CADM2: variants seen among roughly 807,000 people sequenced by gnomAD.
CADM2 encodes the protein immunoglobulin superfamily member 4D.
CADM2 carries 12 observed loss-of-function variants against 49.8 expected under a neutral mutation model. That is an observed-to-expected ratio of 0.24 (90% CI 0.15 to 0.39). The LOEUF (loss-of-function observed/expected upper bound fraction) is 0.39, where lower values mean the gene tolerates loss of function less well. CADM2 is among the 10% of genes least tolerant of loss of function. The pLI is 1.00. For synonymous variants in CADM2, 214 were observed against 175.4 expected (o/e 1.22, Z -1.74); for missense variants, 378 against 492.3 (o/e 0.77, Z 2.20).
chr3:85,053,888 A>G (rs1407593040), intron 1 of CADM2, among the ~76,000 whole-genome samples: 1 of 151,980 alleles, frequency 6.6e-6, no homozygotes, highest in Non-Finnish European at 1.5e-5. Flanking sequence ...TTTCAGATGG[A>G]AATGTTTTTA....
intron 8 of CADM2, among the ~76,000 whole-genome samples, chr3:86,003,040 A>T (rs2108745559): frequency 6.6e-6 from 1 of 152,280 alleles, no homozygotes; most frequent in Admixed American, 6.5e-5. Context: ...TCAAGGAGGG[A>T]GGAGGTTGTT....
chr3:85,367,884 A>G (rs923391855), intron 1 of CADM2, among the ~76,000 whole-genome samples: 1 of 151,776 alleles, frequency 6.6e-6, no homozygotes, highest in African/African-American at 2.4e-5. Context: ...ACGCAGATAC[A>G]GCTGAGAATC....
At chr3:85,715,111 C>T (rs754863163) in intron 1 of CADM2, among the ~76,000 whole-genome samples, 5 of 152,076 alleles carry the variant, frequency 3.3e-5, no homozygotes, top group African/African-American at 9.7e-5. Flanking sequence ...TCTCTATACA[C>T]ACATATATAT....
chr3:85,693,440 C>T (rs1180638288), intron 1 of CADM2, among the ~76,000 whole-genome samples: 5 of 150,070 alleles, frequency 3.3e-5, no homozygotes, highest in African/African-American at 9.8e-5. Flanking sequence ...ATTAGCCGGG[C>T]GCAGTGGCGG....
chr3:85,801,410 C>A (rs1336282936), intron 2 of CADM2, among the ~76,000 whole-genome samples: 1 of 151,986 alleles, frequency 6.6e-6, no homozygotes, highest in African/African-American at 2.4e-5. Context: ...GAGTATTAAC[C>A]TATATCACCT....
chr3:85,913,914 G>A (rs927004768), intron 6 of CADM2, among the ~76,000 whole-genome samples: 1 of 152,020 alleles, frequency 6.6e-6, no homozygotes, highest in Non-Finnish European at 1.5e-5. Flanking sequence ...TAGCTTGTTT[G>A]TTGTTTTTAT....
At chr3:86,061,469 A>G (rs530102998) in intron 8 of CADM2, among the ~76,000 whole-genome samples, 3 of 152,144 alleles carry the variant, frequency 2.0e-5, no homozygotes, top group Non-Finnish European at 4.4e-5. Flanking sequence ...GGCTATAAAA[A>G]CAGAAGTTAT....
intron 1 of CADM2, among the ~76,000 whole-genome samples, chr3:85,428,369 A>G (rs1279989982): frequency 1.4e-5 from 2 of 145,932 alleles, no homozygotes; most frequent in South Asian, 2.1e-4. Context: ...TATTATATAT[A>G]ATATATATTA....
intron 1 of CADM2, among the ~76,000 whole-genome samples, chr3:85,619,855 T>C (rs2063918085): frequency 6.6e-6 from 1 of 152,198 alleles, no homozygotes; most frequent in South Asian, 2.1e-4. Flanking sequence ...TCAACATTGC[T>C]TGTATAAGAG....
At chr3:85,915,854 A>C (rs1207384219) in intron 6 of CADM2, among the ~76,000 whole-genome samples, 1 of 152,186 alleles carries the variant, frequency 6.6e-6, no homozygotes, top group Non-Finnish European at 1.5e-5. Flanking sequence ...TTTCAGTGGT[A>C]AGTCAAAAGA....
chr3:84,995,701 A>G (rs1000365646), intron 1 of CADM2, among the ~76,000 whole-genome samples: 1 of 152,190 alleles, frequency 6.6e-6, no homozygotes, highest in Admixed American at 6.5e-5. Context: ...CTTGCCTACA[A>G]AAGAGATTAA....
chr3:85,853,973 A>G (rs2075207454), intron 3 of CADM2, among the ~76,000 whole-genome samples: 1 of 152,148 alleles, frequency 6.6e-6, no homozygotes, highest in African/African-American at 2.4e-5. Context: ...TGGTGATGTA[A>G]TGATGAGCCA....
intron 5 of CADM2, among the ~76,000 whole-genome samples, chr3:85,900,833 AG>A (rs1354726884): frequency 3.9e-5 from 6 of 152,198 alleles, no homozygotes; most frequent in Non-Finnish European, 2.9e-5. Flanking sequence ...TTCATATGTG[AG>A]GAAAATACCT....
intron 1 of CADM2, among the ~76,000 whole-genome samples, chr3:85,451,359 A>G (rs2107568266): frequency 6.6e-6 from 1 of 152,216 alleles, no homozygotes; most frequent in South Asian, 2.1e-4. Flanking sequence ...ATTAATAATA[A>G]TTGTTTTAGG....
intron 1 of CADM2, among the ~76,000 whole-genome samples, chr3:85,387,772 A>G (rs1213512739): frequency 6.6e-6 from 1 of 152,104 alleles, no homozygotes; most frequent in African/African-American, 2.4e-5. Flanking sequence ...CATTTTTTCA[A>G]TACGATTACA....
At chr3:85,289,981 C>T (rs1264919401) in intron 1 of CADM2, among the ~76,000 whole-genome samples, 2 of 152,162 alleles carry the variant, frequency 1.3e-5, no homozygotes, top group African/African-American at 2.4e-5. Context: ...CAGCTACCAG[C>T]GTGAGCTCAG....
chr3:85,798,563 A>G (rs893567474), intron 2 of CADM2, among the ~76,000 whole-genome samples: 10 of 152,176 alleles, frequency 6.6e-5, no homozygotes, highest in African/African-American at 2.2e-4. Context: ...ACGTTTGTCA[A>G]AGATCAGATG....
intron 1 of CADM2, among the ~76,000 whole-genome samples, chr3:85,113,372 T>C (rs929498597): frequency 6.6e-6 from 1 of 152,074 alleles, no homozygotes; most frequent in African/African-American, 2.4e-5. Flanking sequence ...ATTGGAATTG[T>C]TAAAATTAAA....
chr3:85,118,313 T>C (rs2038717071), intron 1 of CADM2, among the ~76,000 whole-genome samples: 1 of 152,150 alleles, frequency 6.6e-6, no homozygotes. Context: ...ACATTAACAA[T>C]GAGTATCTTC....
Sources: allele counts gnomAD v4.1 joint callset (sites outside exome capture counted in the v4.1 genomes callset), GRCh38; gene constraint gnomAD v4.1.1; transcripts MANE v1.5; gene names NCBI Gene and HGNC (gene_info 2026-07-23, HGNC 2026-07-21).